The following CDKAL1 variants were observed in gnomAD, a reference collection of about 807,000 sequenced individuals.
CDKAL1 encodes the protein CDKAL1 threonylcarbamoyladenosine tRNA methylthiotransferase.
In CDKAL1, 32 loss-of-function variants were observed where a neutral mutation model predicts 68.2. That is an observed-to-expected ratio of 0.47 (90% CI 0.35 to 0.63). The LOEUF is 0.63. Ranked by LOEUF, CDKAL1 falls within the 30% of genes least tolerant of loss-of-function variation. The pLI, the probability that CDKAL1 is intolerant of heterozygous loss-of-function variation, is 0.00. For missense variants in CDKAL1, 606 were observed against 696.7 expected (o/e 0.87, Z 1.47); for synonymous variants, 234 against 244.3 (o/e 0.96, Z 0.39).
intron 9 of CDKAL1, among the ~76,000 whole-genome samples, chr6:20,896,971 G>A (rs980588499): frequency 1.3e-5 from 2 of 152,206 alleles, no homozygotes; most frequent in Non-Finnish European, 2.9e-5. Context: ...TACTTGGACT[G>A]CTATTACAAA....
intron 10 of CDKAL1, among the ~76,000 whole-genome samples, chr6:20,989,615 T>G (rs1766680713): frequency 6.6e-6 from 1 of 152,222 alleles, no homozygotes; most frequent in African/African-American, 2.4e-5. Context: ...CTTTCCCCAT[T>G]AAATTGATCA....
chr6:21,065,324 C>G, intron 12 of CDKAL1, 96 bp downstream of exon 12: 2 of 935,300 alleles, frequency 2.1e-6, no homozygotes, highest in Non-Finnish European at 3.2e-6. Flanking sequence ...ATGTTATAAC[C>G]CTTAAATTAC....
chr6:20,566,866 T>A (rs531980420), intron 4 of CDKAL1, among the ~76,000 whole-genome samples: 5 of 152,230 alleles, frequency 3.3e-5, no homozygotes, highest in African/African-American at 9.6e-5. Context: ...TTTAAAAAAA[T>A]TTGTTAAAAT....
intron 8 of CDKAL1, among the ~76,000 whole-genome samples, chr6:20,819,221 ATT>A (rs34237934): frequency 4.7e-5 from 7 of 150,408 alleles, no homozygotes; most frequent in East Asian, 2.0e-4. Context: ...TATTTATAGT[ATT>A]TTTTTTTTGA....
intron 12 of CDKAL1, among the ~76,000 whole-genome samples, chr6:21,098,617 C>G (rs1242190219): frequency 6.9e-6 from 1 of 145,190 alleles, no homozygotes; most frequent in Non-Finnish European, 1.5e-5. Flanking sequence ...GGGATGCTAT[C>G]CAGATGACCA....
At chr6:20,833,663 G>A (rs1413939805) in intron 8 of CDKAL1, among the ~76,000 whole-genome samples, 1 of 152,116 alleles carries the variant, frequency 6.6e-6, no homozygotes, top group Admixed American at 6.5e-5. Flanking sequence ...ACACATATTG[G>A]TCATTCTTTC....
chr6:20,757,262 T>A (rs953331322), intron 6 of CDKAL1, among the ~76,000 whole-genome samples: 9 of 152,116 alleles, frequency 5.9e-5, no homozygotes, highest in African/African-American at 1.7e-4. Context: ...TAAAGTTTTT[T>A]AAACAGGTTC....
intron 5 of CDKAL1, among the ~76,000 whole-genome samples, chr6:20,732,184 T>C (rs969378861): frequency 1.3e-5 from 2 of 151,790 alleles, no homozygotes; most frequent in Non-Finnish European, 2.9e-5. Flanking sequence ...TACCTGGGAC[T>C]ACAGGTGTGT....
intron 7 of CDKAL1, among the ~76,000 whole-genome samples, chr6:20,775,816 T>G (rs1169757127): frequency 6.6e-6 from 1 of 152,242 alleles, no homozygotes; most frequent in Non-Finnish European, 1.5e-5. Flanking sequence ...AACAGCAGTT[T>G]TGCTTGAAAG....
chr6:20,886,139 A>G (rs1761057515), intron 9 of CDKAL1, among the ~76,000 whole-genome samples: 1 of 152,208 alleles, frequency 6.6e-6, no homozygotes. Context: ...TAAGCACATG[A>G]AAAGATGCTG....
rs1347103647 is a variant in CDKAL1 at position 20,739,588 on chromosome 6, C to T, written c.441C>T (p.Asp147=). 1 of 1,612,118 alleles carries T rather than the reference C, an allele frequency of 6.2e-7. No homozygotes were observed. Among genetic ancestry groups the T allele is most frequent in the South Asian group, 1.1e-5 (1 of 90,976 alleles). ...GCVPQAQPRQ[D]YLKGLSIIGV... is the part of the protein sequence containing the mutation. ...TTCCTCAAGCCCAGCCTCGCCAGGA[C>T]TACCTTAAGGGACTGAGTATCATTG... The change falls in exon 6 of 16, where the codon GAC becomes GAT. Residue 147 remains aspartate, a synonymous_variant. Transcript: ENST00000274695.
chr6:20,713,068 T>G (rs1361010114), intron 5 of CDKAL1, among the ~76,000 whole-genome samples: 1 of 152,244 alleles, frequency 6.6e-6, no homozygotes, highest in Admixed American at 6.5e-5. Context: ...ATTACTTACT[T>G]GATGCCTGTA....
intron 10 of CDKAL1, among the ~76,000 whole-genome samples, chr6:20,983,552 C>T (rs1766272307): frequency 6.6e-6 from 1 of 152,082 alleles, no homozygotes; most frequent in Non-Finnish European, 1.5e-5. Context: ...GAAACCCTGT[C>T]TCTACTAAAA....
intron 10 of CDKAL1, among the ~76,000 whole-genome samples, chr6:20,973,302 T>C (rs72834326): frequency 0.053 from 8,138 of 152,280 alleles, 319 homozygotes; most frequent in Middle Eastern, 0.082. Flanking sequence ...TATAAAGGTA[T>C]CTTTTCTATA....
In CDKAL1 at chr6:20,694,799, A is replaced by G. The variant is rs1029007129; in HGVS notation, c.372-44720A>G. ...GTTCCTAATGTTGGAGGAGGGGCCA[A>G]ATGGAGGTGTTTGGGTCATGGTCAG... On this transcript the variant is annotated intron_variant, in intron 5 of 15. Transcript: ENST00000274695. 2.0e-5 allele frequency among the ~76,000 whole-genome samples: 3 copies of G among 152,298 alleles called. No homozygotes were observed. The East Asian group carries it at 5.8e-4, about 29-fold the overall frequency.
chr6:21,035,625 A>C (rs1769535273), intron 11 of CDKAL1, among the ~76,000 whole-genome samples: 1 of 152,154 alleles, frequency 6.6e-6, no homozygotes, highest in Non-Finnish European at 1.5e-5. Flanking sequence ...AAAAATATAG[A>C]TCTGTTACTA....
intron 15 of CDKAL1, among the ~76,000 whole-genome samples, chr6:21,214,761 A>G (rs1349444414): frequency 3.9e-5 from 6 of 152,112 alleles, no homozygotes; most frequent in Non-Finnish European, 5.9e-5. Flanking sequence ...TTTTGCCTCT[A>G]GTTACCAAAA....
chr6:20,980,206 T>TAGATA (rs1416030309), intron 10 of CDKAL1, among the ~76,000 whole-genome samples: 3 of 151,654 alleles, frequency 2.0e-5, no homozygotes. Context: ...GATATAGATA[T>TAGATA]AGATATAGAT....
chr6:20,602,569 C>G (rs1353920553), intron 4 of CDKAL1, among the ~76,000 whole-genome samples: 4 of 152,168 alleles, frequency 2.6e-5, no homozygotes, highest in Admixed American at 1.3e-4. Context: ...ATCAACCATC[C>G]TGAAAATGGC....
Sources: gnomAD v4.1 joint callset for allele counts (sites outside exome capture counted in the v4.1 genomes callset) on GRCh38, gnomAD v4.1.1 for gene constraint, MANE v1.5 for transcripts, NCBI Gene and HGNC (gene_info 2026-07-23, HGNC 2026-07-21) for gene names.